Variants in BYSL observed in about 807,000 individuals in gnomAD.
The protein encoded by BYSL is bystin.
BYSL carries 21 observed loss-of-function variants against 45.4 expected under a neutral mutation model. The observed-to-expected ratio is 0.46, with a 90% CI of 0.33 to 0.67. The LOEUF (loss-of-function observed/expected upper bound fraction) is 0.67, where lower values mean the gene tolerates loss of function less well. BYSL is among the 30% of genes least tolerant of loss of function. The pLI, the probability that BYSL is intolerant of heterozygous loss-of-function variation, is 0.02. For missense variants in BYSL, 522 were observed against 578.5 expected (o/e 0.90, Z 1.00); for synonymous variants, 215 against 231.3 (o/e 0.93, Z 0.64).
chr6:41,923,575 C>T (rs747754852), intron 1 of BYSL, among the ~76,000 whole-genome samples: 2 of 152,080 alleles, frequency 1.3e-5, no homozygotes, highest in African/African-American at 4.8e-5. Context: ...GGATTACAGG[C>T]GTGAGCCACC....
At position 41,927,301 on chromosome 6, in the gene BYSL, G is replaced by A. The variant is rs951452038; in HGVS notation, c.269-73G>A. On this transcript the variant is annotated intron_variant, in intron 1 of 6. Coordinates refer to ENST00000230340, the MANE Select transcript of BYSL (RefSeq NM_004053.4). Reference sequence around the variant, plus strand: ...ACATGTGAGGCCTGTACTACATAATGGCTAAAGTTAAACTGACGAAATCCC... The same window carrying A: ...ACATGTGAGGCCTGTACTACATAATAGCTAAAGTTAAACTGACGAAATCCC... 21 of 1,562,166 alleles carry A rather than the reference G, an allele frequency of 1.3e-5. No homozygotes were observed. The African/African-American group carries it at 2.4e-4, about 18-fold the overall frequency.
chr6:41,912,604 G>A, the BYSL span, among the ~76,000 whole-genome samples: 7 of 151,780 alleles, frequency 4.6e-5, no homozygotes, highest in African/African-American at 7.3e-5. Flanking sequence ...TGATCTGCCC[G>A]CCTCGGCCTC....
At chr6:41,924,206 G>A (rs796886936) in intron 1 of BYSL, among the ~76,000 whole-genome samples, 11 of 150,020 alleles carry the variant, frequency 7.3e-5, no homozygotes, top group Non-Finnish European at 1.2e-4. Flanking sequence ...GATTACAGGC[G>A]CCCGCCACCA....
At position 41,921,645 on chromosome 6, in the gene BYSL, C is replaced by T; in HGVS notation, c.83C>T (p.Ala28Val). 1 of 1,613,164 alleles carries T rather than the reference C, an allele frequency of 6.2e-7. No homozygotes were observed. ...GCCGATCAGATCCTGGCTGGGAATGCGGTGCGGGCGGGGGTCCGGGAGAAG... is the reference window on the plus strand; with the variant it reads ...GCCGATCAGATCCTGGCTGGGAATGTGGTGCGGGCGGGGGTCCGGGAGAAG... ...PLADQILAGN[A>V]VRAGVREKRR... The change falls in exon 1 of 7, where the codon GCG becomes GTG. Residue 28 changes from alanine to valine, a missense_variant. Physicochemically the swap from Ala to Val is moderately conservative, Grantham distance 64. Coordinates refer to ENST00000230340, the MANE Select transcript of BYSL (RefSeq NM_004053.4).
At chr6:41,921,125 G>GTT, upstream of BYSL, 6 of 1,451,048 alleles carry the variant, frequency 4.1e-6, no homozygotes, top group South Asian at 1.2e-5. Context: ...GTCTCAGAAG[G>GTT]GACTCCGGAA....
the BYSL span, among the ~76,000 whole-genome samples, chr6:41,916,346 G>C: frequency 3.9e-5 from 6 of 152,148 alleles, no homozygotes; most frequent in Non-Finnish European, 8.8e-5. Flanking sequence ...TTGGGAGGCC[G>C]AGGTGGGCAG....
chr6:41,918,015 CA>C (rs368085087), upstream of BYSL: 2,054 of 232,818 alleles, frequency 8.8e-3, 32 homozygotes, highest in African/African-American at 0.037. Flanking sequence ...TGGAACAAAA[CA>C]AAAAAAAAAC....
At chr6:41,909,546 C>A in the BYSL span, 1 of 1,608,652 alleles carries the variant, frequency 6.2e-7, no homozygotes, top group Non-Finnish European at 8.5e-7. Flanking sequence ...AGATCCTATT[C>A]ATCATCAAGA....
chr6:41,918,933 G>A (rs1348792708), upstream of BYSL, among the ~76,000 whole-genome samples: 6 of 118,720 alleles, frequency 5.1e-5, no homozygotes, highest in Non-Finnish European at 8.5e-5. Flanking sequence ...CGGCCTGGGC[G>A]ACAGAGCGAG....
At chr6:41,929,619 G>A (rs1460932607) in intron 2 of BYSL, among the ~76,000 whole-genome samples, 1 of 152,242 alleles carries the variant, frequency 6.6e-6, no homozygotes, top group African/African-American at 2.4e-5. Context: ...CAACAATACT[G>A]TTTAAGGAGG....
At chr6:41,921,879 C>G in intron 1 of BYSL, 49 bp downstream of exon 1, 1 of 1,557,522 alleles carries the variant, frequency 6.4e-7, no homozygotes, top group Non-Finnish European at 8.7e-7. Flanking sequence ...AGTAGTGGGG[C>G]GGGGTGGGCA....
chr6:41,914,804 G>A, the BYSL span, among the ~76,000 whole-genome samples: 1 of 151,794 alleles, frequency 6.6e-6, no homozygotes, highest in African/African-American at 2.4e-5. Context: ...ACGCTAAAAA[G>A]AACAATTGAT....
upstream of BYSL, chr6:41,921,418 C>G: frequency 8.4e-7 from 1 of 1,188,440 alleles, no homozygotes; most frequent in South Asian, 1.6e-5. Context: ...AGGGGCGGCG[C>G]TGATGGCGCT....
chr6:41,921,138 A>G (rs1360890610), upstream of BYSL: 1 of 1,353,106 alleles, frequency 7.4e-7, no homozygotes, highest in African/African-American at 1.5e-5. Flanking sequence ...CTCCGGAAAT[A>G]CGTAAAAACA....
upstream of BYSL, among the ~76,000 whole-genome samples, chr6:41,920,363 C>A (rs1775428680): frequency 6.6e-6 from 1 of 152,018 alleles, no homozygotes; most frequent in African/African-American, 2.4e-5. Context: ...GAAGAGCAGG[C>A]GAAAATCTTA....
At position 41,930,730 on chromosome 6, in the gene BYSL, G is replaced by A. The variant is rs147650758; in HGVS notation, c.666G>A (p.Pro222=). Residue 222 remains proline, a synonymous_variant, in exon 4 of 7, where the codon CCG becomes CCA. Transcript: ENST00000230340. ...NWEQILYVTE[P]EAWTAAAMYQ... ...AGCAAATCCTCTACGTCACAGAGCC[G>A]GAGGCCTGGACTGCAGCTGCCATGT... is the stretch of plus-strand genomic sequence containing the variant. 2,465 of 1,613,956 alleles carry A rather than the reference G, an allele frequency of 1.5e-3. 4 individuals are homozygous for A. Among genetic ancestry groups the A allele is most frequent in the Non-Finnish European group, 2.0e-3 (2,352 of 1,179,922 alleles).
intron 1 of BYSL, among the ~76,000 whole-genome samples, chr6:41,926,541 C>T (rs951049815): frequency 1.5e-4 from 23 of 151,912 alleles, no homozygotes; most frequent in African/African-American, 4.3e-4. Context: ...ACCTCCACCT[C>T]CTGGGTTCAA....
At chr6:41,911,965 ATCTTAAAAGTCAAC>A in the BYSL span, among the ~76,000 whole-genome samples, 4 of 152,142 alleles carry the variant, frequency 2.6e-5, no homozygotes, top group African/African-American at 9.7e-5. Context: ...CCTTGGAAAT[ATCTTAAAAGTCAAC>A]TAAGGGGTGT....
At chr6:41,920,127 T>C (rs1287470312), upstream of BYSL, among the ~76,000 whole-genome samples, 1 of 152,144 alleles carries the variant, frequency 6.6e-6, no homozygotes, top group South Asian at 2.1e-4. Flanking sequence ...CCCTGCCACC[T>C]CATCTTCTTT....
Sources: gnomAD v4.1 joint callset for allele counts (sites outside exome capture counted in the v4.1 genomes callset) on GRCh38, gnomAD v4.1.1 for gene constraint, MANE v1.5 for transcripts, NCBI Gene and HGNC (gene_info 2026-07-23, HGNC 2026-07-21) for gene names.